The following USP10 variants were observed in gnomAD, a reference collection of about 807,000 sequenced individuals.
The protein encoded by USP10 is ubiquitin carboxyl-terminal hydrolase 10.
In USP10, 22 loss-of-function variants were observed where a neutral mutation model predicts 84.5. That is an observed-to-expected ratio of 0.26 (90% confidence interval 0.19 to 0.37). The LOEUF (loss-of-function observed/expected upper bound fraction) is 0.37, where lower values mean the gene tolerates loss of function less well. Ranked by LOEUF, USP10 falls within the 10% of genes least tolerant of loss-of-function variation. The pLI, the probability that USP10 is intolerant of heterozygous loss-of-function variation, is 1.00. For missense variants in USP10, 1,019 were observed against 998.9 expected, an observed-to-expected ratio of 1.02 and a Z score of -0.27; for synonymous variants, 454 against 387.6, an observed-to-expected ratio of 1.17 and a Z score of -2.01.
At chr16:84,712,591 A>T (rs1056539360) in intron 1 of USP10, among the ~76,000 whole-genome samples, 1 of 152,226 alleles carries the variant, frequency 6.6e-6, no homozygotes, top group Admixed American at 6.5e-5. Flanking sequence ...CATGAAGTTC[A>T]GGACCACAGC....
At chr16:84,771,613 A>G (rs900700331) in intron 11 of USP10, among the ~76,000 whole-genome samples, 1 of 152,250 alleles carries the variant, frequency 6.6e-6, no homozygotes, top group African/African-American at 2.4e-5. Context: ...TCACGCCTGT[A>G]ATCTCAGCAC....
intron 1 of USP10, among the ~76,000 whole-genome samples, chr16:84,727,380 G>T (rs1044303004): frequency 1.3e-5 from 2 of 151,972 alleles, no homozygotes; most frequent in Non-Finnish European, 2.9e-5. Context: ...CCAGAGGAGA[G>T]AAAACACTAA....
At chr16:84,733,100 A>G in intron 1 of USP10, 2 of 467,390 alleles carry the variant, frequency 4.3e-6, no homozygotes, top group Non-Finnish European at 8.5e-6. Flanking sequence ...ATGAGTCAGC[A>G]GAAAGGTAAA....
At chr16:84,735,406 T>G (rs1377991224) in intron 2 of USP10, among the ~76,000 whole-genome samples, 1 of 152,148 alleles carries the variant, frequency 6.6e-6, no homozygotes, top group Non-Finnish European at 1.5e-5. Context: ...GATAGGAAAG[T>G]GAAAAGTGCA....
chr16:84,770,140 C>T (rs1363657966), intron 11 of USP10, among the ~76,000 whole-genome samples: 2 of 152,072 alleles, frequency 1.3e-5, no homozygotes, highest in Non-Finnish European at 2.9e-5. Flanking sequence ...TAAAGGAAAG[C>T]TGGCATTTTG....
intron 1 of USP10, among the ~76,000 whole-genome samples, chr16:84,716,920 T>A (rs1209766236): frequency 6.6e-6 from 1 of 152,208 alleles, no homozygotes; most frequent in Non-Finnish European, 1.5e-5. Flanking sequence ...TTACGCAACT[T>A]AAAATAGAAG....
At chr16:84,740,801 T>G (rs1910534551) in intron 3 of USP10, among the ~76,000 whole-genome samples, 1 of 152,262 alleles carries the variant, frequency 6.6e-6, no homozygotes, top group Admixed American at 6.5e-5. Context: ...CACATTCATG[T>G]CCTGGTCTGT....
chr16:84,773,500 G>T (rs182279230), intron 12 of USP10, among the ~76,000 whole-genome samples: 1 of 152,196 alleles, frequency 6.6e-6, no homozygotes, highest in Admixed American at 6.5e-5. Flanking sequence ...GCTTCTAGCC[G>T]GCTCCCTGTC....
At chr16:84,743,097 G>A (rs903525967) in intron 3 of USP10, among the ~76,000 whole-genome samples, 2 of 152,202 alleles carry the variant, frequency 1.3e-5, no homozygotes, top group Non-Finnish European at 2.9e-5. Flanking sequence ...AATAGGGGAT[G>A]TATGGAACCA....
chr16:84,746,932 C>T (rs892335437), intron 4 of USP10, among the ~76,000 whole-genome samples: 5 of 152,144 alleles, frequency 3.3e-5, no homozygotes, highest in African/African-American at 1.2e-4. Flanking sequence ...TCTTACTTTC[C>T]TATAAGCTTT....
At chr16:84,732,444 CTTTT>C (rs762146698) in intron 1 of USP10, 14 of 318,182 alleles carry the variant, frequency 4.4e-5, no homozygotes, top group Admixed American at 1.2e-4. Flanking sequence ...TCTTCTTCTT[CTTTT>C]TTTTTTTTTT....
At chr16:84,742,295 T>C (rs1910714985) in intron 3 of USP10, among the ~76,000 whole-genome samples, 1 of 152,162 alleles carries the variant, frequency 6.6e-6, no homozygotes, top group Admixed American at 6.5e-5. Flanking sequence ...CACTGACCTC[T>C]CTAGTTTCTG....
At chr16:84,735,782 A>T (rs1312632523) in intron 2 of USP10, among the ~76,000 whole-genome samples, 1 of 152,164 alleles carries the variant, frequency 6.6e-6, no homozygotes, top group African/African-American at 2.4e-5. Context: ...TTATTTTTTA[A>T]CATACGGTGA....
At chr16:84,727,628 G>A (rs1806012901) in intron 1 of USP10, among the ~76,000 whole-genome samples, 1 of 152,178 alleles carries the variant, frequency 6.6e-6, no homozygotes, top group African/African-American at 2.4e-5. Context: ...TGTGTGTGCT[G>A]GAATTCTCTG....
At chr16:84,710,536 TC>T (rs1421844620) in intron 1 of USP10, among the ~76,000 whole-genome samples, 5 of 152,140 alleles carry the variant, frequency 3.3e-5, no homozygotes, top group Non-Finnish European at 7.3e-5. Flanking sequence ...TTAGGGAAGG[TC>T]ATTTAGGGAC....
chr16:84,743,465 G>A (rs1910861310), intron 3 of USP10, among the ~76,000 whole-genome samples: 1 of 152,096 alleles, frequency 6.6e-6, no homozygotes, highest in African/African-American at 2.4e-5. Flanking sequence ...AAGATTTCTA[G>A]GGGTCCTTTC....
intron 4 of USP10, among the ~76,000 whole-genome samples, chr16:84,753,190 A>T (rs1912132930): frequency 6.6e-6 from 1 of 152,112 alleles, no homozygotes; most frequent in Non-Finnish European, 1.5e-5. Flanking sequence ...TGTGTGGCCC[A>T]GGCTGATCTT....
intron 11 of USP10, 64 bp from the exon 12 acceptor site, chr16:84,772,477 G>T: frequency 1.2e-6 from 2 of 1,601,410 alleles, no homozygotes; most frequent in Non-Finnish European, 1.7e-6. Context: ...GCGGAAGGTG[G>T]ATGTGGTGTT....
intron 1 of USP10, among the ~76,000 whole-genome samples, chr16:84,731,478 C>T (rs1365238181): frequency 2.6e-5 from 4 of 152,068 alleles, no homozygotes; most frequent in African/African-American, 4.8e-5. Context: ...TTGTATTTCT[C>T]GAATTCATTT....
Sources: gnomAD v4.1 joint callset for allele counts (sites outside exome capture counted in the v4.1 genomes callset) on GRCh38, gnomAD v4.1.1 for gene constraint, MANE v1.5 for transcripts, NCBI Gene and HGNC (gene_info 2026-07-23, HGNC 2026-07-21) for gene names.